CNTNAP2: variants seen among roughly 807,000 people sequenced by gnomAD.
CNTNAP2 encodes contactin associated protein 2.
In CNTNAP2, 98 loss-of-function variants were observed where a neutral mutation model predicts 155.2. The ratio of observed to expected loss-of-function variants is 0.63; its 90% CI spans 0.54 to 0.75. CNTNAP2 has a LOEUF of 0.75. CNTNAP2 is among the 30% of genes least tolerant of loss of function. The pLI, the probability that CNTNAP2 is intolerant of heterozygous loss-of-function variation, is 0.00. For missense variants in CNTNAP2, 1,727 were observed against 1,688.1 expected, an observed-to-expected ratio of 1.02 and a Z score of -0.40; for synonymous variants, 651 against 631.2, an observed-to-expected ratio of 1.03 and a Z score of -0.47.
chr7:147,038,948 G>A (rs557967770), intron 3 of CNTNAP2, among the ~76,000 whole-genome samples: 4 of 151,982 alleles, frequency 2.6e-5, no homozygotes, highest in Non-Finnish European at 5.9e-5. Context: ...TCCTCATTCT[G>A]TCCTTGACCT....
At chr7:146,410,328 T>C (rs1227673578) in intron 1 of CNTNAP2, among the ~76,000 whole-genome samples, 5 of 152,226 alleles carry the variant, frequency 3.3e-5, no homozygotes, top group African/African-American at 1.2e-4. Context: ...TGAGTAGTTA[T>C]GACAGAACCT....
intron 1 of CNTNAP2, among the ~76,000 whole-genome samples, chr7:146,539,163 A>T (rs1797914180): frequency 6.6e-6 from 1 of 152,136 alleles, no homozygotes; most frequent in African/African-American, 2.4e-5. Flanking sequence ...AAATCGACAC[A>T]GAATGATTAT....
At chr7:147,433,041 T>C (rs1313816738) in intron 10 of CNTNAP2, among the ~76,000 whole-genome samples, 1 of 152,172 alleles carries the variant, frequency 6.6e-6, no homozygotes, top group Non-Finnish European at 1.5e-5. Context: ...AGGTAGATAA[T>C]CAGGCACAAG....
intron 13 of CNTNAP2, among the ~76,000 whole-genome samples, chr7:147,775,290 T>TTTATAA (rs1797553017): frequency 3.8e-5 from 2 of 52,626 alleles, no homozygotes; most frequent in African/African-American, 2.8e-4. Flanking sequence ...TATAAATATA[T>TTTATAA]ATATTTATAT....
At chr7:147,220,102 C>CT (rs1017153973) in intron 8 of CNTNAP2, among the ~76,000 whole-genome samples, 4 of 151,950 alleles carry the variant, frequency 2.6e-5, no homozygotes, top group African/African-American at 4.8e-5. Context: ...TGCATCACTT[C>CT]TTAAAGGTCC....
rs577039609 is a variant in CNTNAP2 at position 147,687,641 on chromosome 7, G to C, written c.2098+48335G>C. On this transcript the variant is annotated intron_variant, in intron 13 of 23. Transcript: ENST00000361727. The stretch of plus-strand genomic sequence containing the variant: ...CCATATTTGACCATGGGTAGGAGGA[G>C]TAATTTAACCATTGTATAGAGATTC... Among the ~76,000 whole-genome samples the C allele has an allele frequency of 4.6e-5, 7 of 152,192 alleles. No individual in the cohort carries two copies. In the South Asian group the frequency reaches 1.5e-3, roughly 32 times the overall value.
At chr7:148,144,743 T>C (rs1303273882) in intron 16 of CNTNAP2, among the ~76,000 whole-genome samples, 1 of 152,176 alleles carries the variant, frequency 6.6e-6, no homozygotes, top group Non-Finnish European at 1.5e-5. Flanking sequence ...GTTCGGTATA[T>C]AAGAAATTCC....
At chr7:148,057,568 A>G (rs2116505243) in intron 15 of CNTNAP2, among the ~76,000 whole-genome samples, 1 of 152,320 alleles carries the variant, frequency 6.6e-6, no homozygotes, top group South Asian at 2.1e-4. Flanking sequence ...TGGATGTAAC[A>G]TGATAGCAGA....
At chr7:146,164,383 G>A (rs796284721) in intron 1 of CNTNAP2, among the ~76,000 whole-genome samples, 8 of 152,188 alleles carry the variant, frequency 5.3e-5, no homozygotes, top group African/African-American at 1.9e-4. Context: ...TCTTTTTAAA[G>A]TTATTTAGGG....
chr7:146,604,912 T>C (rs1442386305), intron 1 of CNTNAP2, among the ~76,000 whole-genome samples: 1 of 112,484 alleles, frequency 8.9e-6, no homozygotes, highest in African/African-American at 3.5e-5. Context: ...TATCACACTC[T>C]GGGGACTGTT....
intron 13 of CNTNAP2, among the ~76,000 whole-genome samples, chr7:147,654,434 C>A (rs1795494578): frequency 6.6e-6 from 1 of 152,166 alleles, no homozygotes; most frequent in Non-Finnish European, 1.5e-5. Context: ...TATTCTTTTT[C>A]CTTCCAGTCT....
intron 8 of CNTNAP2, among the ~76,000 whole-genome samples, chr7:147,174,139 G>A (rs1802288032): frequency 6.6e-6 from 1 of 151,930 alleles, no homozygotes; most frequent in Admixed American, 6.6e-5. Flanking sequence ...CATATTAATA[G>A]CAGCATTATA....
chr7:146,525,846 C>T (rs1329091493), intron 1 of CNTNAP2, among the ~76,000 whole-genome samples: 1 of 152,064 alleles, frequency 6.6e-6, no homozygotes, highest in African/African-American at 2.4e-5. Flanking sequence ...CTTACCTCAT[C>T]AGTGCAGCTC....
chr7:147,444,078 C>T (rs1016608705), intron 10 of CNTNAP2, among the ~76,000 whole-genome samples: 1 of 152,140 alleles, frequency 6.6e-6, no homozygotes, highest in Admixed American at 6.5e-5. Context: ...AGAACAGACA[C>T]CCAAAGGCAA....
chr7:146,842,708 C>T (rs557118401), intron 3 of CNTNAP2, among the ~76,000 whole-genome samples: 8 of 152,156 alleles, frequency 5.3e-5, no homozygotes, highest in African/African-American at 1.7e-4. Flanking sequence ...TTTTCTGAGA[C>T]GGAGTCTCGC....
intron 21 of CNTNAP2, 138 bp from the exon 22 acceptor site, chr7:148,383,511 A>G (rs1029017250): frequency 8.0e-7 from 1 of 1,248,344 alleles, no homozygotes; most frequent in Non-Finnish European, 1.1e-6. Context: ...CGACCCATTA[A>G]TATTTCATCC....
intron 3 of CNTNAP2, among the ~76,000 whole-genome samples, chr7:146,911,951 T>C (rs1054846853): frequency 6.6e-6 from 1 of 152,286 alleles, no homozygotes; most frequent in Non-Finnish European, 1.5e-5. Flanking sequence ...AAACACATGG[T>C]ATAATGATTT....
chr7:146,665,059 G>C (rs1374325482), intron 1 of CNTNAP2, among the ~76,000 whole-genome samples: 1 of 151,928 alleles, frequency 6.6e-6, no homozygotes, highest in African/African-American at 2.4e-5. Context: ...AGCGCTTCTC[G>C]TGCCTTAGCC....
chr7:147,033,972 A>G (rs1355221147), intron 3 of CNTNAP2, among the ~76,000 whole-genome samples: 1 of 152,184 alleles, frequency 6.6e-6, no homozygotes, highest in Non-Finnish European at 1.5e-5. Flanking sequence ...CGGCTGCTCC[A>G]TAGACAGAGC....
Sources: allele counts gnomAD v4.1 joint callset (sites outside exome capture counted in the v4.1 genomes callset), GRCh38; gene constraint gnomAD v4.1.1; transcripts MANE v1.5; gene names NCBI Gene and HGNC (gene_info 2026-07-23, HGNC 2026-07-21).